RAP1A: variants seen among roughly 807,000 people sequenced by gnomAD.
RAP1A encodes ras-related protein Rap-1A.
Under a neutral mutation model 26.4 loss-of-function variants are expected in RAP1A, and 6 were observed. The ratio of observed to expected loss-of-function variants is 0.23; its 90% CI spans 0.12 to 0.45. RAP1A has a LOEUF of 0.45. Ranked by LOEUF, RAP1A falls within the 20% of genes least tolerant of loss-of-function variation. RAP1A has a pLI of 0.99. For synonymous variants in RAP1A, 73 were observed against 79.4 expected (o/e 0.92, Z 0.43); for missense variants, 121 against 217.2 (o/e 0.56, Z 2.78).
At chr1:111,649,214 C>A in intron 1 of RAP1A, 2 of 495,700 alleles carry the variant, frequency 4.0e-6, no homozygotes, top group South Asian at 1.6e-5. Context: ...AGTCCCTGAG[C>A]TGGGGTCCCT....
chr1:111,648,334 A>T, intron 1 of RAP1A: 1 of 785,438 alleles, frequency 1.3e-6, no homozygotes, highest in Non-Finnish European at 2.1e-6. Context: ...CCACTTTGCC[A>T]TCCACTATCT....
At chr1:111,673,465 A>G (rs143846923) in intron 1 of RAP1A, among the ~76,000 whole-genome samples, 1 of 152,348 alleles carries the variant, frequency 6.6e-6, no homozygotes, top group African/African-American at 2.4e-5. Context: ...GTTGGGATCA[A>G]TTTAATTCAC....
chr1:111,567,082 G>A (rs1049577612), intron 1 of RAP1A, among the ~76,000 whole-genome samples: 1 of 152,090 alleles, frequency 6.6e-6, no homozygotes, highest in African/African-American at 2.4e-5. Context: ...CACTGAGCAG[G>A]ACATAGGGAT....
intron 1 of RAP1A, among the ~76,000 whole-genome samples, chr1:111,685,568 A>G (rs183414009): frequency 1.1e-4 from 17 of 152,354 alleles, no homozygotes; most frequent in African/African-American, 4.1e-4. Context: ...TCAAAACCAC[A>G]ATGAGATACC....
At chr1:111,694,217 C>T (rs1368102942) in intron 2 of RAP1A, among the ~76,000 whole-genome samples, 9 of 152,022 alleles carry the variant, frequency 5.9e-5, no homozygotes, top group Non-Finnish European at 1.0e-4. Context: ...AATTATGTGT[C>T]GTACTTAGAA....
intron 2 of RAP1A, among the ~76,000 whole-genome samples, chr1:111,693,291 A>T (rs1210875441): frequency 6.6e-6 from 1 of 152,144 alleles, no homozygotes; most frequent in East Asian, 1.9e-4. Context: ...TGGAATATAG[A>T]CATTTGAAGA....
intron 1 of RAP1A, among the ~76,000 whole-genome samples, chr1:111,671,252 C>T (rs1265282207): frequency 1.3e-5 from 2 of 152,158 alleles, no homozygotes; most frequent in Non-Finnish European, 2.9e-5. Context: ...TGAGAGCCAC[C>T]ACGCCCAACT....
chr1:111,641,380 C>T (rs184376367), intron 1 of RAP1A, among the ~76,000 whole-genome samples: 9 of 152,276 alleles, frequency 5.9e-5, no homozygotes, highest in African/African-American at 1.9e-4. Flanking sequence ...TGGATTGCAA[C>T]GCTGGCTTGG....
intron 1 of RAP1A, among the ~76,000 whole-genome samples, chr1:111,620,214 C>G (rs951621971): frequency 2.6e-5 from 4 of 152,334 alleles, no homozygotes; most frequent in Middle Eastern, 3.4e-3. Context: ...GGGCCCCGGC[C>G]GGCTGTGGGA....
chr1:111,648,925 CT>C, intron 1 of RAP1A: 1 of 727,114 alleles, frequency 1.4e-6, no homozygotes. Flanking sequence ...TTTACTTCCC[CT>C]TTATGGTTCT....
At chr1:111,582,242 A>C (rs2101061332) in intron 1 of RAP1A, among the ~76,000 whole-genome samples, 1 of 152,296 alleles carries the variant, frequency 6.6e-6, no homozygotes, top group South Asian at 2.1e-4. Flanking sequence ...AGGCTATGTG[A>C]CTGAAATAAA....
chr1:111,658,448 T>C (rs1660533536), intron 1 of RAP1A, among the ~76,000 whole-genome samples: 1 of 152,214 alleles, frequency 6.6e-6, no homozygotes, highest in African/African-American at 2.4e-5. Context: ...AACACTTAGC[T>C]TAAAACACAA....
intron 1 of RAP1A, among the ~76,000 whole-genome samples, chr1:111,652,259 C>T (rs966892320): frequency 6.6e-6 from 1 of 152,204 alleles, no homozygotes; most frequent in Non-Finnish European, 1.5e-5. Flanking sequence ...TAGGCCTGAC[C>T]CAGTTCAAGT....
chr1:111,688,323 C>CT (rs755186287), intron 1 of RAP1A, among the ~76,000 whole-genome samples: 33,091 of 108,822 alleles, frequency 0.3, 4,924 homozygotes, highest in East Asian at 0.36. Context: ...TTCTTTCTTT[C>CT]TTTTTTTTTT....
At chr1:111,679,265 C>T (rs1661218342) in intron 1 of RAP1A, among the ~76,000 whole-genome samples, 1 of 152,142 alleles carries the variant, frequency 6.6e-6, no homozygotes, top group Non-Finnish European at 1.5e-5. Flanking sequence ...TGGGGCATCG[C>T]CTCATCCGGG....
chr1:111,682,713 C>T (rs1661335954), intron 1 of RAP1A, among the ~76,000 whole-genome samples: 1 of 152,144 alleles, frequency 6.6e-6, no homozygotes. Flanking sequence ...ACTTAGACTT[C>T]CACACAATCA....
chr1:111,623,697 A>G lies in RAP1A; in HGVS notation c.-28+3763A>G, dbSNP rs752828248. On this transcript the variant is annotated intron_variant, in intron 1 of 7. Transcript: ENST00000369709. ...ATGCTGGACTCCTGCGGCTGAGACT[A>G]TTGTTTTTGTTAAATAGGTCAACAT... is the stretch of plus-strand genomic sequence containing the variant. 1.7e-3 allele frequency among the ~76,000 whole-genome samples: 265 copies of G among 152,260 alleles called. 2 individuals are homozygous for G. The highest frequency in any genetic ancestry group is 2.6e-3 in the Non-Finnish European group (180 of 68,016).
intron 1 of RAP1A, among the ~76,000 whole-genome samples, chr1:111,597,560 T>C (rs1477912171): frequency 6.6e-6 from 1 of 152,210 alleles, no homozygotes; most frequent in Non-Finnish European, 1.5e-5. Flanking sequence ...CTCATTTCTC[T>C]TACAGAGTGC....
chr1:111,633,004 C>A (rs72695285), intron 1 of RAP1A, among the ~76,000 whole-genome samples: 19,430 of 150,886 alleles, frequency 0.13, 1,562 homozygotes, highest in South Asian at 0.17. Flanking sequence ...CCATTTGTGG[C>A]AGTATAATTA....
Sources: gnomAD v4.1 joint callset for allele counts (sites outside exome capture counted in the v4.1 genomes callset) on GRCh38, gnomAD v4.1.1 for gene constraint, MANE v1.5 for transcripts, NCBI Gene and HGNC (gene_info 2026-07-23, HGNC 2026-07-21) for gene names.